The following ACSM6 variants were observed in gnomAD, a reference collection of about 807,000 sequenced individuals.
ACSM6 encodes the protein acyl-coenzyme A synthetase ACSM6, mitochondrial.
In ACSM6, 35 loss-of-function variants were observed where a neutral mutation model predicts 51.1. The ratio of observed to expected loss-of-function variants is 0.69; its 90% confidence interval spans 0.52 to 0.91. ACSM6 has a LOEUF of 0.91. ACSM6 is among the 40% of genes least tolerant of loss of function. The probability of loss-of-function intolerance (pLI) is 0.00; values close to 1 mark genes in which losing one functional copy is unlikely to be tolerated. For missense variants in ACSM6, 509 were observed against 584.1 expected (o/e 0.87, Z 1.32); for synonymous variants, 172 against 207.3 (o/e 0.83, Z 1.46).
At chr10:95,194,615 G>A (rs1319263893) in exon 2 of ACSM6, 2 of 1,552,196 alleles carry the variant, frequency 1.3e-6, no homozygotes, top group Non-Finnish European at 1.7e-6. Flanking sequence ...CCTAGTCCAA[G>A]CAGTTTCTCA....
At chr10:95,195,530 C>A (rs2034716123) in intron 2 of ACSM6, among the ~76,000 whole-genome samples, 1 of 152,146 alleles carries the variant, frequency 6.6e-6, no homozygotes, top group Non-Finnish European at 1.5e-5. Context: ...TACTCTCTGG[C>A]TAGGTAACTC....
intron 9 of ACSM6, among the ~76,000 whole-genome samples, chr10:95,221,607 AATT>A (rs1405918189): frequency 6.6e-6 from 1 of 152,162 alleles, no homozygotes; most frequent in African/African-American, 2.4e-5. Flanking sequence ...AAAGGAAAAA[AATT>A]ATATGTCAAC....
intron 10 of ACSM6, among the ~76,000 whole-genome samples, chr10:95,227,317 A>G (rs1282792303): frequency 1.3e-5 from 2 of 152,142 alleles, no homozygotes; most frequent in African/African-American, 4.8e-5. Context: ...AATCTTATCA[A>G]GGAGAACTAT....
chr10:95,220,538 T>C (rs1480938325), intron 9 of ACSM6, among the ~76,000 whole-genome samples: 1 of 152,222 alleles, frequency 6.6e-6, no homozygotes, highest in Non-Finnish European at 1.5e-5. Context: ...TTACCATTAT[T>C]CATTTTAAGA....
At chr10:95,207,985 A>G (rs1024834022) in intron 4 of ACSM6, among the ~76,000 whole-genome samples, 1 of 152,044 alleles carries the variant, frequency 6.6e-6, no homozygotes, top group African/African-American at 2.4e-5. Context: ...TACTAAAAGT[A>G]CAAAAATTAG....
intron 2 of ACSM6, among the ~76,000 whole-genome samples, chr10:95,197,786 TG>T (rs1360394778): frequency 2.0e-5 from 3 of 152,344 alleles, no homozygotes; most frequent in African/African-American, 7.2e-5. Flanking sequence ...GGTGTCGGGC[TG>T]GGGGACAGTC....
intron 9 of ACSM6, among the ~76,000 whole-genome samples, chr10:95,222,867 TAA>T (rs2035006655): frequency 7.0e-6 from 1 of 142,616 alleles, no homozygotes; most frequent in Non-Finnish European, 1.5e-5. Context: ...ATAATAATAA[TAA>T]GAGGGTGGGA....
At chr10:95,201,772 C>T (rs2034796334) in intron 2 of ACSM6, 2 of 590,740 alleles carry the variant, frequency 3.4e-6, no homozygotes, top group Non-Finnish European at 6.0e-6. Context: ...TCCCTAGGCT[C>T]ATGCCTGACA....
intron 4 of ACSM6, among the ~76,000 whole-genome samples, chr10:95,209,356 G>C (rs1356449685): frequency 1.3e-5 from 2 of 152,190 alleles, no homozygotes; most frequent in African/African-American, 4.8e-5. Context: ...GAAGCGCAAG[G>C]GAGGGGAAGA....
intron 9 of ACSM6, among the ~76,000 whole-genome samples, chr10:95,223,331 G>T (rs12777852): frequency 0.077 from 11,774 of 151,924 alleles, 575 homozygotes; most frequent in Middle Eastern, 0.15. Context: ...CTCAAAATGG[G>T]GTCATAGTAT....
At chr10:95,197,368 T>C (rs1225143363) in intron 2 of ACSM6, among the ~76,000 whole-genome samples, 3 of 152,136 alleles carry the variant, frequency 2.0e-5, no homozygotes, top group Admixed American at 6.5e-5. Flanking sequence ...GTTCCCTCAG[T>C]TTTTATTGAT....
intron 4 of ACSM6, among the ~76,000 whole-genome samples, 176 bp downstream of exon 4, chr10:95,207,591 G>C (rs2034853481): frequency 6.6e-6 from 1 of 152,094 alleles, no homozygotes; most frequent in African/African-American, 2.4e-5. Flanking sequence ...AAAGCTGAAT[G>C]GCAATTTCTA....
At chr10:95,223,882 C>A (rs2035015628) in intron 9 of ACSM6, among the ~76,000 whole-genome samples, 1 of 152,046 alleles carries the variant, frequency 6.6e-6, no homozygotes, top group Non-Finnish European at 1.5e-5. Flanking sequence ...CATGACATGA[C>A]CATGTATATA....
intron 4 of ACSM6, among the ~76,000 whole-genome samples, chr10:95,208,933 T>TAAGA (rs1554829585): frequency 8.8e-5 from 3 of 33,920 alleles, no homozygotes; most frequent in African/African-American, 3.0e-4. Context: ...CAGGGATGTT[T>TAAGA]AAAAAAAAAA....
chr10:95,208,629 G>A (rs1245040700), intron 4 of ACSM6, among the ~76,000 whole-genome samples: 6 of 152,224 alleles, frequency 3.9e-5, no homozygotes, highest in East Asian at 1.9e-4. Context: ...GTCAACTACC[G>A]TCCAAAATAG....
In ACSM6 at chr10:95,207,295, CT is replaced by C; in HGVS notation, c.492del (p.Asn165MetfsTer8). 1 of 1,614,150 alleles carries C rather than the reference CT, an allele frequency of 6.2e-7. No homozygotes were observed. Among genetic ancestry groups the C allele is most frequent in the Middle Eastern group, 1.6e-4 (1 of 6,062 alleles). On this transcript the variant is annotated frameshift_variant, in exon 4 of 11. Coordinates refer to ENST00000341686, the Ensembl canonical transcript of ACSM6. LOFTEE classifies it high-confidence loss of function. ...ATGTCTAAGGCCCAGTGCATTGTGG[CT>C]AATGAAGCTATGGCCCCAGTTGTAA...
intron 2 of ACSM6, among the ~76,000 whole-genome samples, chr10:95,200,905 C>A (rs2034788683): frequency 1.3e-5 from 2 of 152,032 alleles, no homozygotes; most frequent in South Asian, 4.2e-4. Context: ...TTCCTTCCCT[C>A]CATCCTCAGG....
chr10:95,209,308 T>C (rs2034872070), intron 4 of ACSM6, among the ~76,000 whole-genome samples: 1 of 151,876 alleles, frequency 6.6e-6, no homozygotes, highest in African/African-American at 2.4e-5. Context: ...GCACCTGAAG[T>C]GCGGAGAGTG....
At chr10:95,207,481 T>C (rs2034851814) in intron 4 of ACSM6, 66 bp downstream of exon 4, 5 of 1,501,360 alleles carry the variant, frequency 3.3e-6, no homozygotes, top group African/African-American at 1.4e-5. Context: ...GATGATGATA[T>C]ATGAGAAAGT....
Sources: gnomAD v4.1 joint callset for allele counts (sites outside exome capture counted in the v4.1 genomes callset) on GRCh38, gnomAD v4.1.1 for gene constraint, MANE v1.5 for transcripts, NCBI Gene and HGNC (gene_info 2026-07-23, HGNC 2026-07-21) for gene names.